The following TLK2 variants were observed in gnomAD, a reference collection of about 807,000 sequenced individuals.
TLK2 encodes tousled like kinase 2, also known as serine/threonine-protein kinase tousled-like 2.
TLK2 carries 6 observed loss-of-function variants against 117.3 expected under a neutral mutation model. That is an observed-to-expected ratio of 0.05 (90% confidence interval 0.03 to 0.10). The LOEUF is 0.10. Ranked by LOEUF, TLK2 falls within the 10% of genes least tolerant of loss-of-function variation. The pLI is 1.00. For missense variants in TLK2, 299 were observed against 901.2 expected (o/e 0.33, Z 8.56); for synonymous variants, 257 against 316.7 (o/e 0.81, Z 2.00).
chr17:62,499,273 G>A (rs1208578146), intron 2 of TLK2, among the ~76,000 whole-genome samples: 1 of 151,268 alleles, frequency 6.6e-6, no homozygotes, highest in Non-Finnish European at 1.5e-5. Context: ...CCCAGGAGGT[G>A]CAGTGAGCCG....
chr17:62,490,163 T>C (rs1321828538), intron 2 of TLK2, among the ~76,000 whole-genome samples: 1 of 152,262 alleles, frequency 6.6e-6, no homozygotes, highest in African/African-American at 2.4e-5. Context: ...TATCTTGTCA[T>C]ATATTGCTTC....
At chr17:62,546,891 T>C (rs957788997) in intron 7 of TLK2, among the ~76,000 whole-genome samples, 12 of 152,130 alleles carry the variant, frequency 7.9e-5, no homozygotes, top group African/African-American at 2.4e-4. Flanking sequence ...CATTGTCTTT[T>C]AGGTTACTGG....
At chr17:62,484,888 C>T (rs1399431505) in intron 2 of TLK2, among the ~76,000 whole-genome samples, 1 of 151,948 alleles carries the variant, frequency 6.6e-6, no homozygotes, top group Non-Finnish European at 1.5e-5. Flanking sequence ...AACCCCATCT[C>T]TATTAAAAAA....
At chr17:62,516,625 G>A in intron 2 of TLK2, 11 of 1,610,064 alleles carry the variant, frequency 6.8e-6, no homozygotes, top group Non-Finnish European at 9.3e-6. Flanking sequence ...AGACTGCATG[G>A]CCTTCATGAC....
chr17:62,502,029 A>ATTTTTTT (rs371212708), intron 2 of TLK2, among the ~76,000 whole-genome samples: 11 of 137,444 alleles, frequency 8.0e-5, no homozygotes, highest in African/African-American at 2.5e-4. Context: ...AAAAATACCA[A>ATTTTTTT]TTTTTTTTTT....
chr17:62,529,261 A>G (rs1440498597), intron 6 of TLK2, among the ~76,000 whole-genome samples: 1 of 151,976 alleles, frequency 6.6e-6, no homozygotes, highest in Non-Finnish European at 1.5e-5. Flanking sequence ...TTTTTGAGAC[A>G]GGTTCTTGCT....
chr17:62,594,420 A>G (rs1443625425), intron 16 of TLK2, among the ~76,000 whole-genome samples: 1 of 152,176 alleles, frequency 6.6e-6, no homozygotes, highest in East Asian at 1.9e-4. Context: ...AAACAAAAAA[A>G]GTGCAGTACA....
intron 7 of TLK2, among the ~76,000 whole-genome samples, chr17:62,544,203 T>C (rs1354807004): frequency 2.0e-5 from 3 of 152,200 alleles, no homozygotes; most frequent in Non-Finnish European, 2.9e-5. Context: ...ATTAGCCCAT[T>C]CTCACACTGC....
intron 11 of TLK2, among the ~76,000 whole-genome samples, chr17:62,565,620 C>T (rs1038321662): frequency 7.5e-5 from 10 of 133,822 alleles, no homozygotes; most frequent in Non-Finnish European, 1.4e-4. Context: ...CCACTGCACT[C>T]CAGCCTGGGC....
intron 2 of TLK2, among the ~76,000 whole-genome samples, chr17:62,501,619 A>G (rs1311162575): frequency 6.6e-6 from 1 of 151,908 alleles, no homozygotes; most frequent in Non-Finnish European, 1.5e-5. Flanking sequence ...AAAAGAAAGA[A>G]TGAGAATCTG....
chr17:62,517,962 T>C (rs1259204849), intron 2 of TLK2, among the ~76,000 whole-genome samples: 1 of 152,188 alleles, frequency 6.6e-6, no homozygotes, highest in East Asian at 1.9e-4. Flanking sequence ...CCTCCCAAAG[T>C]GCTGGGATTA....
At chr17:62,577,006 A>G (rs567455276) in intron 13 of TLK2, among the ~76,000 whole-genome samples, 7 of 128,024 alleles carry the variant, frequency 5.5e-5, no homozygotes, top group African/African-American at 2.0e-4. Flanking sequence ...TGTGTCTCCC[A>G]GGCTGGAGTG....
chr17:62,488,273 T>A (rs1207802390), intron 2 of TLK2, among the ~76,000 whole-genome samples: 2 of 152,184 alleles, frequency 1.3e-5, no homozygotes, highest in African/African-American at 4.8e-5. Flanking sequence ...TTTTTAAGTC[T>A]GATACATCAC....
intron 7 of TLK2, among the ~76,000 whole-genome samples, chr17:62,540,400 ATTTTT>A (rs534202077): frequency 0.011 from 215 of 19,992 alleles, 6 homozygotes; most frequent in Middle Eastern, 0.062. Context: ...TATGTTCAGA[ATTTTT>A]TTTTTTTTTT....
At chr17:62,515,343 C>G (rs2145375396) in intron 2 of TLK2, among the ~76,000 whole-genome samples, 1 of 152,290 alleles carries the variant, frequency 6.6e-6, no homozygotes, top group South Asian at 2.1e-4. Flanking sequence ...TGAGTATATT[C>G]CCAGAAATGG....
intron 2 of TLK2, chr17:62,508,310 A>G (rs2074883352): frequency 1.9e-6 from 1 of 520,956 alleles, no homozygotes. Flanking sequence ...TTACTAAGAA[A>G]ATAAGATAAA....
intron 15 of TLK2, among the ~76,000 whole-genome samples, chr17:62,584,247 G>C (rs1298140778): frequency 6.6e-6 from 1 of 150,556 alleles, no homozygotes; most frequent in African/African-American, 2.4e-5. Context: ...TTCCCAAGTA[G>C]CTGGGACTAC....
intron 2 of TLK2, among the ~76,000 whole-genome samples, chr17:62,502,200 A>ACTAG (rs2145003304): frequency 6.6e-6 from 1 of 152,216 alleles, no homozygotes; most frequent in South Asian, 2.1e-4. Context: ...GCAGTGAATA[A>ACTAG]AACCATAACT....
At chr17:62,520,655 T>G (rs2145514871) in intron 2 of TLK2, 118 bp from the exon 3 acceptor site, 1 of 920,434 alleles carries the variant, frequency 1.1e-6, no homozygotes, top group Non-Finnish European at 1.5e-6. Flanking sequence ...CCAGCCGGGG[T>G]GATAACAGTG....
Sources: allele counts gnomAD v4.1 joint callset (sites outside exome capture counted in the v4.1 genomes callset), GRCh38; gene constraint gnomAD v4.1.1; transcripts MANE v1.5; gene names NCBI Gene and HGNC (gene_info 2026-07-23, HGNC 2026-07-21).